EYS: variants seen among roughly 807,000 people sequenced by gnomAD.
EYS encodes EGF-like photoreceptor maintenance factor.
In EYS, 250 loss-of-function variants were observed where a neutral mutation model predicts 282.1. That is an observed-to-expected ratio of 0.89 (90% CI 0.80 to 0.98). EYS has a LOEUF of 0.98. Ranked by LOEUF, EYS falls within the 50% of genes least tolerant of loss-of-function variation. The pLI, the probability that EYS is intolerant of heterozygous loss-of-function variation, is 0.00. For missense variants in EYS, 4,016 were observed against 3,709.0 expected (o/e 1.08, Z -2.15); for synonymous variants, 1,355 against 1,282.9 (o/e 1.06, Z -1.20).
intron 34 of EYS, among the ~76,000 whole-genome samples, chr6:63,990,344 G>A (rs1008513313): frequency 6.6e-6 from 1 of 151,602 alleles, no homozygotes; most frequent in Non-Finnish European, 1.5e-5. Flanking sequence ...TGATTGTGAA[G>A]CCAGCTGTAT....
chr6:65,023,692 T>C (rs992353024), intron 13 of EYS, among the ~76,000 whole-genome samples: 1 of 152,212 alleles, frequency 6.6e-6, no homozygotes, highest in East Asian at 1.9e-4. Context: ...ACACAGAAAT[T>C]TCTTCCATAG....
chr6:65,282,264 G>C (rs1347029342), intron 12 of EYS, among the ~76,000 whole-genome samples: 1 of 151,850 alleles, frequency 6.6e-6, no homozygotes, highest in Non-Finnish European at 1.5e-5. Context: ...AATATTTAAG[G>C]TGATGGATCT....
At chr6:63,967,286 G>T (rs1562122268) in intron 35 of EYS, among the ~76,000 whole-genome samples, 1 of 152,132 alleles carries the variant, frequency 6.6e-6, no homozygotes, top group Non-Finnish European at 1.5e-5. Context: ...CTTATTAATT[G>T]TTTATTTTTG....
chr6:65,474,752 T>A (rs1034383046), intron 5 of EYS, among the ~76,000 whole-genome samples: 7 of 152,146 alleles, frequency 4.6e-5, no homozygotes, highest in African/African-American at 1.7e-4. Flanking sequence ...ATAAATGTTG[T>A]CATTGTTTTA....
At chr6:65,570,764 C>T (rs1241170816) in intron 2 of EYS, among the ~76,000 whole-genome samples, 1 of 152,124 alleles carries the variant, frequency 6.6e-6, no homozygotes, top group East Asian at 1.9e-4. Flanking sequence ...ATTTTCATTC[C>T]TTTCCTTTTG....
chr6:63,848,630 C>G (rs1050808690), intron 36 of EYS, among the ~76,000 whole-genome samples: 2 of 151,952 alleles, frequency 1.3e-5, no homozygotes, highest in African/African-American at 4.8e-5. Context: ...GGCTGTGTCA[C>G]GAGGGATGGT....
intron 2 of EYS, among the ~76,000 whole-genome samples, chr6:65,518,459 C>T (rs1767224869): frequency 6.6e-6 from 1 of 152,052 alleles, no homozygotes; most frequent in South Asian, 2.1e-4. Context: ...CAAAGGTTTC[C>T]ATGAACATTA....
chr6:64,045,868 T>C (rs1022008938), intron 33 of EYS, among the ~76,000 whole-genome samples: 1 of 139,370 alleles, frequency 7.2e-6, no homozygotes, highest in Non-Finnish European at 1.6e-5. Context: ...TATACACATA[T>C]GTACCATACA....
intron 5 of EYS, among the ~76,000 whole-genome samples, chr6:65,459,968 TTATATATATATATATATATATATA>T (rs34762215): frequency 1.4e-4 from 11 of 80,662 alleles, no homozygotes; most frequent in East Asian, 1.1e-3. Flanking sequence ...TTTGTGTATT[TTATATATATATATATATATATATA>T]TATATATATA....
At chr6:64,712,224 G>A (rs1369146009) in intron 22 of EYS, among the ~76,000 whole-genome samples, 1 of 152,218 alleles carries the variant, frequency 6.6e-6, no homozygotes, top group Admixed American at 6.5e-5. Flanking sequence ...GTGTGTGAAT[G>A]TGAGTCTAAG....
intron 6 of EYS, among the ~76,000 whole-genome samples, chr6:65,403,708 A>G (rs965403580): frequency 2.0e-5 from 3 of 151,968 alleles, no homozygotes; most frequent in African/African-American, 7.2e-5. Context: ...TTAAATAGAG[A>G]ATATAAATAA....
At chr6:64,085,889 G>T (rs1270273523) in intron 31 of EYS, among the ~76,000 whole-genome samples, 1 of 152,088 alleles carries the variant, frequency 6.6e-6, no homozygotes, top group Non-Finnish European at 1.5e-5. Flanking sequence ...GGTTATTAAG[G>T]CCTTGTTAGC....
At chr6:65,506,301 AC>A (rs1364623753) in intron 2 of EYS, among the ~76,000 whole-genome samples, 1 of 151,592 alleles carries the variant, frequency 6.6e-6, no homozygotes. Flanking sequence ...TTTTTTTGTA[AC>A]TGTATTTCAC....
chr6:65,442,865 T>C lies in EYS; in HGVS notation c.863-37498A>G, dbSNP rs528454367. On this transcript the variant is annotated intron_variant, in intron 5 of 42. Transcript: ENST00000503581. ...ATATACACATACATATGTACATATA[T>C]ACATACATATACACATACATATGTA... Among the ~76,000 whole-genome samples the C allele has an allele frequency of 5.4e-5, 7 of 130,478 alleles. 2 individuals are homozygous for C. The highest frequency in any genetic ancestry group is 1.7e-4 in the Admixed American group (2 of 12,084). 85.6% of individuals were successfully genotyped at this position (130,478 alleles called of 152,430 possible).
intron 12 of EYS, among the ~76,000 whole-genome samples, chr6:65,208,283 A>T (rs898583749): frequency 3.3e-5 from 5 of 151,938 alleles, no homozygotes; most frequent in South Asian, 2.1e-4. Context: ...GGGTATTATT[A>T]AAATGTGCAT....
In EYS at chr6:64,859,782, T is replaced by C. The variant is rs141489229; in HGVS notation, c.2992+26915A>G. Among the ~76,000 whole-genome samples, 554 of 152,338 alleles carry C rather than the reference T, an allele frequency of 3.6e-3. 5 individuals carry two copies. The highest frequency in any genetic ancestry group is 0.012 in the African/African-American group (515 of 41,586). On this transcript the variant is annotated intron_variant, in intron 19 of 42. Coordinates refer to ENST00000503581, the MANE Select transcript of EYS (RefSeq NM_001142800.2). ...TTGCCCAGTCTTGGTTATGTCTTTATCAGCAGCATGAAAACAGACTAATAC... is the reference window on the plus strand; with the variant it reads ...TTGCCCAGTCTTGGTTATGTCTTTACCAGCAGCATGAAAACAGACTAATAC...
At chr6:65,486,982 T>C (rs769494809) in intron 5 of EYS, among the ~76,000 whole-genome samples, 1 of 151,744 alleles carries the variant, frequency 6.6e-6, no homozygotes. Flanking sequence ...GTTTGTCTGT[T>C]ATTGGTATAT....
At chr6:65,331,462 TAGAG>T in intron 11 of EYS, 7 of 843,842 alleles carry the variant, frequency 8.3e-6, no homozygotes, top group Non-Finnish European at 1.0e-5. Flanking sequence ...GCAACTGATA[TAGAG>T]AAACTTAATT....
At chr6:65,191,527 G>T (rs1285100547) in intron 12 of EYS, among the ~76,000 whole-genome samples, 3 of 151,756 alleles carry the variant, frequency 2.0e-5, no homozygotes, top group Admixed American at 1.3e-4. Flanking sequence ...AACAAATTAT[G>T]TTCTTTCAAC....
Sources: gnomAD v4.1 joint callset for allele counts (sites outside exome capture counted in the v4.1 genomes callset) on GRCh38, gnomAD v4.1.1 for gene constraint, MANE v1.5 for transcripts, NCBI Gene and HGNC (gene_info 2026-07-23, HGNC 2026-07-21) for gene names.